Variants in LRRC59 observed in about 807,000 individuals in gnomAD.
LRRC59 encodes the protein leucine rich repeat containing 59, also known as leucine-rich repeat-containing protein 59.
Under a neutral mutation model 33.5 loss-of-function variants are expected in LRRC59, and 18 were observed. The observed-to-expected ratio is 0.54, with a 90% CI of 0.37 to 0.80. LRRC59 has a LOEUF of 0.80. Among genes scored for constraint, LRRC59 ranks in the 30% least tolerant of loss-of-function variants. The pLI is 0.00. For synonymous variants in LRRC59, 138 were observed against 160.0 expected (o/e 0.86, Z 1.04); for missense variants, 330 against 391.9 (o/e 0.84, Z 1.33).
At position 50,382,864 on chromosome 17, in the gene LRRC59, C is replaced by A; in HGVS notation, c.*124G>T. ...CCTACAAAGAGGAGGTCTCATGTACCAATCTGCAGCCATTTGATGATGGCA... is the reference window on the plus strand; with the variant it reads ...CCTACAAAGAGGAGGTCTCATGTACAAATCTGCAGCCATTTGATGATGGCA... On this transcript the variant is annotated 3_prime_UTR_variant, in exon 7 of 7. Coordinates refer to ENST00000225972, the MANE Select transcript of LRRC59 (RefSeq NM_018509.4). 5 of 1,248,128 alleles carry A rather than the reference C, an allele frequency of 4.0e-6. No individual in the cohort carries two copies. Among genetic ancestry groups the A allele is most frequent in the Non-Finnish European group, 5.5e-6 (5 of 904,228 alleles). 77.3% of individuals were successfully genotyped at this position (1,248,128 alleles called of 1,614,324 possible).
chr17:50,392,668 C>T (rs927043125), intron 3 of LRRC59, 71 bp downstream of exon 3: 1 of 1,584,822 alleles, frequency 6.3e-7, no homozygotes, highest in Non-Finnish European at 8.6e-7. Flanking sequence ...CAGCCTTTCT[C>T]AGGGCCGTGC....
chr17:50,390,822 C>G (rs1271829256), intron 4 of LRRC59, among the ~76,000 whole-genome samples: 1 of 152,246 alleles, frequency 6.6e-6, no homozygotes, highest in African/African-American at 2.4e-5. Flanking sequence ...AGGTGTGCTG[C>G]AGCTCTAGGA....
rs1914307939 is a variant in LRRC59, at chr17:50,397,447, G to A, written c.-130C>T. 1.0e-5 allele frequency: 6 copies of A among 579,694 alleles called. No homozygotes were observed. The highest frequency in any genetic ancestry group is 2.4e-5 in the South Asian group (1 of 41,380). 35.9% of individuals were successfully genotyped at this position (579,694 alleles called of 1,614,324 possible). On this transcript the variant is annotated 5_prime_UTR_variant, in exon 1 of 7. Transcript: ENST00000225972. The stretch of plus-strand genomic sequence containing the variant: ...GAGCCCTCCGTCGCCGCCGATGCGA[G>A]ACCGCCTCCGCCCGCTGGCCGCACT...
rs750090448 is a variant in LRRC59, at chr17:50,383,144, TAGC to T, written c.765_767del (p.Leu256del). The T allele has an allele frequency of 2.3e-5, 37 of 1,583,078 alleles. No homozygotes were observed. The highest frequency in any genetic ancestry group is 9.4e-5 in the Admixed American group (5 of 52,916). On this transcript the variant is annotated inframe_deletion, in exon 7 of 7. Transcript: ENST00000225972. ...CAACCAGCCCTCCCGCCACACCAAA[TAGC>T]AGCAGCAGCAGCAGCAGCTTCAGCA...
rs1289482092 is a variant in LRRC59 at position 50,382,721 on chromosome 17, C to T, written c.*267G>A. 2.0e-6 allele frequency: 1 copy of T among 501,712 alleles called. No homozygotes were observed. Among genetic ancestry groups the T allele is most frequent in the Non-Finnish European group, 3.6e-6 (1 of 281,378 alleles). The allele number at this position is 501,712 out of a possible 1,614,324, so 31.1% of individuals were successfully genotyped here. ...ACAACTAGAAAAGGCTATGTTTTCT[C>T]TCTCCCCACCCCCAAGCCTACTCCT... is the stretch of plus-strand genomic sequence containing the variant. On this transcript the variant is annotated 3_prime_UTR_variant, in exon 7 of 7. Transcript: ENST00000225972.
At chr17:50,390,433 A>G (rs888865463) in intron 4 of LRRC59, among the ~76,000 whole-genome samples, 4 of 152,020 alleles carry the variant, frequency 2.6e-5, no homozygotes, top group Non-Finnish European at 5.9e-5. Context: ...CGCAGGTTGC[A>G]GTGAACTGAG....
At chr17:50,387,354 T>A (rs766732852) in intron 5 of LRRC59, among the ~76,000 whole-genome samples, 5 of 152,186 alleles carry the variant, frequency 3.3e-5, no homozygotes, top group Non-Finnish European at 5.9e-5. Context: ...GTTTCACTTG[T>A]GTGTGCAACA....
intron 5 of LRRC59, among the ~76,000 whole-genome samples, chr17:50,387,551 G>A (rs1356167528): frequency 2.6e-5 from 4 of 152,166 alleles, no homozygotes; most frequent in African/African-American, 9.7e-5. Context: ...TTAAGGAGAT[G>A]GCAGCATCAT....
intron 2 of LRRC59, among the ~76,000 whole-genome samples, chr17:50,394,641 A>G (rs1914228135): frequency 6.6e-6 from 1 of 152,202 alleles, no homozygotes. Flanking sequence ...TGTAGAAAAA[A>G]GATGAGCCCA....
At position 50,384,976 on chromosome 17, in the gene LRRC59, C is replaced by G; in HGVS notation, c.676+142G>C. 6.0e-6 allele frequency: 6 copies of G among 1,008,214 alleles called. No individual in the cohort carries two copies. In the South Asian group the frequency reaches 9.6e-5, roughly 16 times the overall value. 62.5% of individuals were successfully genotyped at this position (1,008,214 alleles called of 1,614,324 possible). A position where few individuals can be genotyped will look rare whatever the true frequency, so the allele number is the denominator to read the frequency against. ...AGGAGAGTCCCCCATTCCCCGTAAC[C>G]AAACCTTCTCATCCACTCCCAAGCT... On this transcript the variant is annotated intron_variant, in intron 6 of 6. Transcript: ENST00000225972.
At chr17:50,388,007 C>G in intron 5 of LRRC59, 53 bp downstream of exon 5, 1 of 1,565,796 alleles carries the variant, frequency 6.4e-7, no homozygotes, top group South Asian at 1.1e-5. Context: ...CATGAGAATC[C>G]ACTGGCTGGG....
At chr17:50,397,075 G>A (rs547236011) in intron 1 of LRRC59, 138 bp downstream of exon 1, 15 of 587,338 alleles carry the variant, frequency 2.6e-5, no homozygotes, top group African/African-American at 2.3e-4. Flanking sequence ...CGGCCTCCTA[G>A]GGGACTTAGT....
At chr17:50,394,553 G>A (rs1289321982) in intron 2 of LRRC59, among the ~76,000 whole-genome samples, 5 of 152,246 alleles carry the variant, frequency 3.3e-5, no homozygotes, top group East Asian at 1.9e-4. Context: ...TCCCTGGAAC[G>A]CAGAGCAACT....
At chr17:50,392,566 G>C (rs1173139958) in intron 3 of LRRC59, 64 bp from the exon 4 acceptor site, 1 of 1,489,574 alleles carries the variant, frequency 6.7e-7, no homozygotes, top group Non-Finnish European at 9.3e-7. Context: ...TAGTCCCTCA[G>C]GGTGAAACAA....
At chr17:50,390,625 C>T (rs148051763) in intron 4 of LRRC59, among the ~76,000 whole-genome samples, 87 of 152,288 alleles carry the variant, frequency 5.7e-4, no homozygotes, top group Admixed American at 1.0e-3. Flanking sequence ...ACAGTAAGCA[C>T]TTGATGAATA....
intron 2 of LRRC59, among the ~76,000 whole-genome samples, chr17:50,393,690 A>G (rs1914204085): frequency 6.6e-6 from 1 of 152,216 alleles, no homozygotes. Context: ...GGCACTATTC[A>G]TGCTCTCTAG....
At chr17:50,393,370 T>C (rs898563549) in intron 2 of LRRC59, among the ~76,000 whole-genome samples, 4 of 152,132 alleles carry the variant, frequency 2.6e-5, no homozygotes, top group Admixed American at 2.6e-4. Flanking sequence ...GAGGTGTGGT[T>C]ACCCATTCTG....
At chr17:50,395,642 C>T (rs1914254995) in intron 1 of LRRC59, among the ~76,000 whole-genome samples, 1 of 152,114 alleles carries the variant, frequency 6.6e-6, no homozygotes, top group South Asian at 2.1e-4. Context: ...CTGCCGGGTG[C>T]GGTGGCTCAC....
intron 3 of LRRC59, 57 bp downstream of exon 3, chr17:50,392,682 A>C: frequency 6.3e-7 from 1 of 1,597,092 alleles, no homozygotes; most frequent in South Asian, 1.1e-5. Flanking sequence ...GCCGTGCTCC[A>C]GAGTCCCTGA....
Sources: gnomAD v4.1 joint callset for allele counts (sites outside exome capture counted in the v4.1 genomes callset) on GRCh38, gnomAD v4.1.1 for gene constraint, MANE v1.5 for transcripts, NCBI Gene and HGNC (gene_info 2026-07-23, HGNC 2026-07-21) for gene names.